ZNF215: variants seen among roughly 807,000 people sequenced by gnomAD.
ZNF215 encodes the protein BWSCR2-associated zinc finger protein 2.
In ZNF215, 24 loss-of-function variants were observed where a neutral mutation model predicts 27.2. The ratio of observed to expected loss-of-function variants is 0.88; its 90% confidence interval spans 0.64 to 1.24. The LOEUF (loss-of-function observed/expected upper bound fraction) is 1.24, where lower values mean the gene tolerates loss of function less well. Ranked by LOEUF, ZNF215 falls within the 50% of genes most tolerant of loss-of-function variation. The pLI is 0.00. For synonymous variants in ZNF215, 210 were observed against 204.0 expected (o/e 1.03, Z -0.25); for missense variants, 675 against 605.7 (o/e 1.11, Z -1.20).
chr11:6,976,801 T>C (rs1367742689), intron 5 of ZNF215, among the ~76,000 whole-genome samples: 1 of 152,132 alleles, frequency 6.6e-6, no homozygotes, highest in East Asian at 1.9e-4. Context: ...ATATGTTTTC[T>C]GTTTCTTCTA....
chr11:6,934,086 T>G (rs1397423884), intron 3 of ZNF215, among the ~76,000 whole-genome samples: 2 of 152,134 alleles, frequency 1.3e-5, no homozygotes, highest in South Asian at 2.1e-4. Context: ...ATTATATTGG[T>G]ATTGTGGTTA....
In ZNF215 at chr11:6,932,527, G is replaced by T. The variant is rs751015892; in HGVS notation, c.255G>T (p.Lys85Asn). 16 of 1,614,204 alleles carry T rather than the reference G, an allele frequency of 9.9e-6. No homozygotes were observed. Among genetic ancestry groups the T allele is most frequent in the Non-Finnish European group, 1.4e-5 (16 of 1,180,042 alleles). Residue 85 changes from lysine (K) to asparagine (N), a missense_variant, in exon 3 of 7, where the codon AAG becomes AAT. Transcript: ENST00000278319. ...QWLRPEIHTK[K>N]QIIELLVLEQ... Reference sequence around the variant, plus strand: ...TGAGACCAGAGATTCATACAAAGAAGCAGATTATAGAACTGTTGGTGCTGG... The same window carrying T: ...TGAGACCAGAGATTCATACAAAGAATCAGATTATAGAACTGTTGGTGCTGG...
chr11:6,942,421 G>C (rs1482339001), intron 4 of ZNF215, among the ~76,000 whole-genome samples: 2 of 152,178 alleles, frequency 1.3e-5, no homozygotes, highest in South Asian at 2.1e-4. Flanking sequence ...AAATATGATT[G>C]ATAAACGAAA....
Position 6,957,815 on chromosome 11 carries a change from G to GT in ZNF215, c.*1286dup. On this transcript the variant is annotated 3_prime_UTR_variant, in exon 7 of 7. Transcript: ENST00000278319. Reference sequence around the variant, plus strand: ...TATCATTTATACCAGACATTATGAAGTTATTAAAGTCTCCTATACTCTGTA... The same window carrying GT: ...TATCATTTATACCAGACATTATGAAGTTTATTAAAGTCTCCTATACTCTGTA... The GT allele has an allele frequency of 1.0e-6, 1 of 985,354 alleles. No individual in the cohort carries two copies. Among genetic ancestry groups the GT allele is most frequent in the South Asian group, 4.7e-5 (1 of 21,282 alleles). The allele number at this position is 985,354 out of a possible 1,614,324, so 61.0% of individuals were successfully genotyped here. A position where few individuals can be genotyped will look rare whatever the true frequency, so the allele number is the denominator to read the frequency against.
rs188280962 is a variant in ZNF215, at chr11:6,934,732, C to T, written c.400+2060C>T. ...TTAGGTTGTGATCACCTGAATAATT[C>T]AGGATGATCTCCCTCATCTTAAGGT... On this transcript the variant is annotated intron_variant, in intron 3 of 6. Transcript: ENST00000278319. Among the ~76,000 whole-genome samples, 3 of 152,302 alleles carry T rather than the reference C, an allele frequency of 2.0e-5. No homozygotes were observed. In the East Asian group the frequency reaches 5.8e-4, roughly 29 times the overall value.
intron 5 of ZNF215, among the ~76,000 whole-genome samples, chr11:6,977,346 A>C (rs1246573846): frequency 2.0e-5 from 3 of 151,676 alleles, no homozygotes; most frequent in Non-Finnish European, 4.4e-5. Flanking sequence ...TGTACTATAT[A>C]CTCTACCTGA....
At chr11:6,970,676 T>C (rs993466548) in intron 5 of ZNF215, among the ~76,000 whole-genome samples, 4 of 152,218 alleles carry the variant, frequency 2.6e-5, no homozygotes, top group African/African-American at 9.6e-5. Context: ...TATACTGTTC[T>C]CTGTATTTTT....
Position 6,932,335 on chromosome 11 carries a change from A to G in ZNF215, c.63A>G (p.Gln21=). The G allele has an allele frequency of 6.2e-7, 1 of 1,614,170 alleles. No homozygotes were observed. Among genetic ancestry groups the G allele is most frequent in the Non-Finnish European group, 8.5e-7 (1 of 1,180,042 alleles). ...SKPRNLSLRE[Q]REVLRADMSW... ...CTCGAAACCTGTCTCTACGTGAACA[A>G]AGAGAGGTTCTGAGAGCAGATATGT... The change falls in exon 3 of 7, where the codon CAA becomes CAG. Residue 21 remains glutamine (Q), a synonymous_variant. Transcript: ENST00000278319.
At chr11:6,970,378 A>G (rs769307736) in intron 5 of ZNF215, among the ~76,000 whole-genome samples, 2 of 152,238 alleles carry the variant, frequency 1.3e-5, no homozygotes, top group Non-Finnish European at 2.9e-5. Flanking sequence ...AGATCCTGAT[A>G]TGAACAAATC....
intron 2 of ZNF215, among the ~76,000 whole-genome samples, chr11:6,928,341 C>G (rs1284753489): frequency 6.6e-6 from 1 of 152,056 alleles, no homozygotes; most frequent in Non-Finnish European, 1.5e-5. Context: ...TACCTAATAT[C>G]CCATTTCTAT....
chr11:6,956,104 T>C lies in ZNF215; in HGVS notation c.1127T>C (p.Met376Thr). The change falls in exon 7 of 7, where the codon ATG becomes ACG. Residue 376 changes from methionine to threonine, a missense_variant. Physicochemically the swap from Met to Thr is moderately conservative, Grantham distance 81. Coordinates refer to ENST00000278319, the MANE Select transcript of ZNF215 (RefSeq NM_013250.4). ...CGACACCAAAAAAGTCATACTACAA[T>C]GAATTCCTATGAATGTTATCAATGT... is the stretch of plus-strand genomic sequence containing the variant. ...DIRHQKSHTT[M>T]NSYECYQCGK... The C allele has an allele frequency of 1.9e-6, 3 of 1,613,404 alleles. No individual in the cohort carries two copies. Among genetic ancestry groups the C allele is most frequent in the South Asian group, 1.1e-5 (1 of 90,794 alleles).
chr11:6,959,280 A>G (rs2857901), downstream of ZNF215, among the ~76,000 whole-genome samples: 35,673 of 152,088 alleles, frequency 0.23, 4,498 homozygotes, highest in African/African-American at 0.32. Context: ...AAGTTCATCT[A>G]CTAGAATACA....
chr11:6,975,107 T>A (rs1283374018), intron 5 of ZNF215, among the ~76,000 whole-genome samples: 4 of 152,184 alleles, frequency 2.6e-5, no homozygotes, highest in Non-Finnish European at 5.9e-5. Flanking sequence ...CATGAAGCGC[T>A]GTTGAATTTT....
chr11:6,946,073 C>T (rs1849805708), intron 6 of ZNF215, among the ~76,000 whole-genome samples: 1 of 152,102 alleles, frequency 6.6e-6, no homozygotes, highest in Admixed American at 6.5e-5. Flanking sequence ...TCTTCTCCTT[C>T]ACTTCTCTAA....
chr11:6,944,366 G>A (rs1040358927), intron 6 of ZNF215, among the ~76,000 whole-genome samples: 3 of 149,658 alleles, frequency 2.0e-5, no homozygotes, highest in Non-Finnish European at 3.0e-5. Flanking sequence ...TTATACTAGA[G>A]TGATTTCTAG....
At chr11:6,959,888 T>C (rs931083240), downstream of ZNF215, among the ~76,000 whole-genome samples, 1 of 152,180 alleles carries the variant, frequency 6.6e-6, no homozygotes, top group African/African-American at 2.4e-5. Flanking sequence ...CCTAGGTGTT[T>C]ATAAGAATTT....
At chr11:6,927,158 A>C (rs915293138) in intron 1 of ZNF215, among the ~76,000 whole-genome samples, 1 of 152,232 alleles carries the variant, frequency 6.6e-6, no homozygotes, top group Non-Finnish European at 1.5e-5. Context: ...GACTGGATCA[A>C]TCAACTGGGA....
chr11:6,982,242 C>T (rs560320028), intron 5 of ZNF215, among the ~76,000 whole-genome samples: 1 of 151,760 alleles, frequency 6.6e-6, no homozygotes, highest in Non-Finnish European at 1.5e-5. Flanking sequence ...TACAGGAGCA[C>T]CCAGATTCAT....
intron 3 of ZNF215, among the ~76,000 whole-genome samples, chr11:6,935,643 C>T (rs1849409812): frequency 1.3e-5 from 2 of 151,974 alleles, no homozygotes; most frequent in Admixed American, 6.5e-5. Flanking sequence ...CTTTTATTAA[C>T]AGAAATACTA....
Sources: gnomAD v4.1 joint callset for allele counts (sites outside exome capture counted in the v4.1 genomes callset) on GRCh38, gnomAD v4.1.1 for gene constraint, MANE v1.5 for transcripts, NCBI Gene and HGNC (gene_info 2026-07-23, HGNC 2026-07-21) for gene names.